NCAPD2: variants seen among roughly 807,000 people sequenced by gnomAD.
The protein encoded by NCAPD2 is condensin complex subunit 1.
In NCAPD2, 100 loss-of-function variants were observed where a neutral mutation model predicts 164.5. The ratio of observed to expected loss-of-function variants is 0.61; its 90% CI spans 0.52 to 0.72. NCAPD2 has a LOEUF of 0.72. NCAPD2 is among the 30% of genes least tolerant of loss of function. NCAPD2 has a pLI of 0.00. For missense variants in NCAPD2, 1,560 were observed against 1,749.2 expected (o/e 0.89, Z 1.93); for synonymous variants, 585 against 642.6 (o/e 0.91, Z 1.36).
rs185619772 is a variant in NCAPD2 at position 6,497,019 on chromosome 12, G to A, written c.127+1794G>A. 1.7e-3 allele frequency among the ~76,000 whole-genome samples: 264 copies of A among 152,282 alleles called. 7 individuals carry two copies. In the South Asian group the frequency reaches 0.039, roughly 23 times the overall value. On this transcript the variant is annotated intron_variant, in intron 2 of 31. Transcript: ENST00000315579. ...GTTTACCAAAATGTTACAGGGCACA[G>A]GACTGTACAGGTAAGAGAAATAGAA...
chr12:6,518,948 C>G (rs372256797), intron 13 of NCAPD2, among the ~76,000 whole-genome samples: 1 of 151,512 alleles, frequency 6.6e-6, no homozygotes, highest in Non-Finnish European at 1.5e-5. Context: ...TGCAGTGGTG[C>G]GATCTTGGCT....
In NCAPD2 at chr12:6,521,953, C is replaced by T; in HGVS notation, c.1870C>T (p.Leu624=). Residue 624 remains leucine (L), a synonymous_variant, in exon 15 of 32, where the codon CTG becomes TTG. Coordinates refer to ENST00000315579, the MANE Select transcript of NCAPD2 (RefSeq NM_014865.4). ...LVKQEMLVQY[L]QDAYSFSRKI... is the part of the protein sequence containing the mutation. Reference sequence around the variant, plus strand: ...GAAGCAGGAGATGCTGGTACAGTATCTGCAGGATGCCTACAGCTTCTCCCG... The same window carrying T: ...GAAGCAGGAGATGCTGGTACAGTATTTGCAGGATGCCTACAGCTTCTCCCG... 1 of 1,614,162 alleles carries T rather than the reference C, an allele frequency of 6.2e-7. No homozygotes were observed. The highest frequency in any genetic ancestry group is 8.5e-7 in the Non-Finnish European group (1 of 1,180,028).
chr12:6,511,010 A>G (rs1454701545), intron 5 of NCAPD2, 100 bp from the exon 6 acceptor site: 6 of 1,378,564 alleles, frequency 4.4e-6, no homozygotes, highest in African/African-American at 4.3e-5. Flanking sequence ...ATTACCTTCT[A>G]TGTTGTCTTG....
At chr12:6,529,196 C>T (rs1592178755) in intron 27 of NCAPD2, 157 bp downstream of exon 27, 5 of 660,038 alleles carry the variant, frequency 7.6e-6, no homozygotes, top group Non-Finnish European at 1.0e-5. Flanking sequence ...TCTTTTGAGG[C>T]TGATGATACT....
In NCAPD2 at chr12:6,530,810, A is replaced by G. The variant is rs1300438643; in HGVS notation, c.3957A>G (p.Pro1319=). The change falls in exon 30 of 32, where the codon CCA becomes CCG. Residue 1319 remains proline (P), a synonymous_variant. Coordinates refer to ENST00000315579, the MANE Select transcript of NCAPD2 (RefSeq NM_014865.4). ...AGAGAGCGCCATCAGCCAAGAAACC[A>G]TCCACTGGTACGTAAGGCAGCCTGT... The part of the protein sequence containing the change: ...GSQRAPSAKK[P]STGSRYQPLA... 6.2e-7 allele frequency: 1 copy of G among 1,614,194 alleles called. No individual in the cohort carries two copies. The highest frequency in any genetic ancestry group is 8.5e-7 in the Non-Finnish European group (1 of 1,180,034).
At chr12:6,525,966 C>A in intron 18 of NCAPD2, 102 bp from the exon 19 acceptor site, 1 of 1,475,832 alleles carries the variant, frequency 6.8e-7, no homozygotes, top group East Asian at 2.3e-5. Flanking sequence ...CTCCACGGCT[C>A]TAGACACCAC....
rs1339713732 is a variant in NCAPD2 at position 6,522,021 on chromosome 12, T to TG, written c.1939dup (p.Glu647GlyfsTer12). 1 of 1,614,120 alleles carries TG rather than the reference T, an allele frequency of 6.2e-7. No homozygotes were observed. On this transcript the variant is annotated frameshift_variant, in exon 15 of 32. Transcript: ENST00000315579. LOFTEE classifies it high-confidence loss of function. ...TTGGCATCATCAGCAAGATGATGTA[T>TG]GAAAACACAACTACAGGTATGCCAG... is the stretch of plus-strand genomic sequence containing the variant.
chr12:6,506,664 G>C (rs1226310202), intron 2 of NCAPD2, among the ~76,000 whole-genome samples: 1 of 151,350 alleles, frequency 6.6e-6, no homozygotes, highest in Non-Finnish European at 1.5e-5. Flanking sequence ...TAAATTTTAT[G>C]CGTTCATGAC....
intron 28 of NCAPD2, 61 bp downstream of exon 28, chr12:6,529,654 C>T: frequency 2.5e-6 from 4 of 1,602,244 alleles, no homozygotes; most frequent in Non-Finnish European, 3.4e-6. Flanking sequence ...GAGAAAGGCC[C>T]ATCCCTCACC....
At position 6,495,150 on chromosome 12, in the gene NCAPD2, T is replaced by C. The variant is rs770194327; in HGVS notation, c.52T>C (p.Leu18=). 5.6e-6 allele frequency: 9 copies of C among 1,614,138 alleles called. No homozygotes were observed. The highest frequency in any genetic ancestry group is 7.6e-6 in the Non-Finnish European group (9 of 1,180,016). Residue 18 remains leucine, a synonymous_variant, in exon 2 of 32, where the codon TTG becomes CTG. Transcript: ENST00000315579. The part of the protein sequence containing the change: ...FHLPLSPEEL[L]KSGGVNQYVV... ...TCTGCCATTATCCCCAGAGGAGTTGTTGAAAAGTGGAGGGGTGAATCAGTA... is the reference window on the plus strand; with the variant it reads ...TCTGCCATTATCCCCAGAGGAGTTGCTGAAAAGTGGAGGGGTGAATCAGTA...
rs201845677 is a variant in NCAPD2, at chr12:6,526,039, C to T, written c.2349-29C>T. Reference sequence around the variant, plus strand: ...CCCCGATGAGTCCAATCCATGACTGCCTTTAACTCTGTGGCTTCCTTCCCC... The same window carrying T: ...CCCCGATGAGTCCAATCCATGACTGTCTTTAACTCTGTGGCTTCCTTCCCC... On this transcript the variant is annotated intron_variant, in intron 18 of 31. Coordinates refer to ENST00000315579, the MANE Select transcript of NCAPD2 (RefSeq NM_014865.4). 3,537 of 1,611,164 alleles carry T rather than the reference C, an allele frequency of 2.2e-3. 102 individuals carry two copies. The South Asian group carries it at 0.036, about 16-fold the overall frequency.
intron 2 of NCAPD2, among the ~76,000 whole-genome samples, chr12:6,501,342 G>GAC (rs1193133499): frequency 7.0e-6 from 1 of 143,856 alleles, no homozygotes; most frequent in African/African-American, 2.6e-5. Context: ...CCAGGGTCAC[G>GAC]ACACCTGGCT....
intron 3 of NCAPD2, 111 bp downstream of exon 3, chr12:6,509,903 G>T: frequency 7.8e-7 from 1 of 1,274,792 alleles, no homozygotes; most frequent in Non-Finnish European, 1.1e-6. Flanking sequence ...AATGCCTCTG[G>T]ATATTGATAT....
In NCAPD2 at chr12:6,531,422, T is replaced by C. The variant is rs930507725; in HGVS notation, c.*10T>C. The C allele has an allele frequency of 2.5e-6, 4 of 1,613,004 alleles. No individual in the cohort carries two copies. The highest frequency in any genetic ancestry group is 2.5e-6 in the Non-Finnish European group (3 of 1,179,582). On this transcript the variant is annotated 3_prime_UTR_variant, in exon 32 of 32. Transcript: ENST00000315579. The surrounding 1 kb of genome is among the most constrained non-coding windows in gnomAD (Gnocchi z 4.1). ...CAGGCACAGATCCTAGGAAGTCTGT[T>C]CCTGTCCTCCCTGTGCAGGGTATCC...
At chr12:6,522,164 G>T in intron 15 of NCAPD2, 127 bp downstream of exon 15, 1 of 1,060,778 alleles carries the variant, frequency 9.4e-7, no homozygotes, top group African/African-American at 1.6e-5. Flanking sequence ...CAACTCCTGG[G>T]CTCAGGCAAT....
intron 13 of NCAPD2, among the ~76,000 whole-genome samples, chr12:6,518,520 T>TTTTTGTTTTTTTTTG (rs1565544194): frequency 5.3e-5 from 6 of 114,014 alleles, no homozygotes; most frequent in African/African-American, 1.9e-4. Flanking sequence ...TTTTTTTTTT[T>TTTTTGTTTTTTTTTG]TTTTTTTTTT....
Position 6,528,710 on chromosome 12 carries a change from A to C in NCAPD2, c.3331A>C (p.Thr1111Pro). The C allele has an allele frequency of 5.0e-6, 8 of 1,613,532 alleles. No homozygotes were observed. The highest frequency in any genetic ancestry group is 6.8e-6 in the Non-Finnish European group (8 of 1,179,580). The change falls in exon 26 of 32, where the codon ACA becomes CCA. Residue 1111 changes from threonine (T) to proline (P), a missense_variant. Thr to Pro is a conservative substitution (Grantham distance 38). Transcript: ENST00000315579. The surrounding 1 kb of genome is among the most constrained non-coding windows in gnomAD (Gnocchi z 5.1). Reference protein sequence around the residue: ...LRDPAQQVRKTAGLVMTHLIL... With the variant: ...LRDPAQQVRKPAGLVMTHLIL... ...GGACCCTGCTCAGCAAGTGCGGAAA[A>C]CAGCGGGGCTGGTGATGACCCACCT... is the stretch of plus-strand genomic sequence containing the variant.
chr12:6,517,026 G>A lies in NCAPD2; in HGVS notation c.1185+1G>A, dbSNP rs1946208316. On this transcript the variant is annotated splice_donor_variant, in intron 10 of 31. Transcript: ENST00000315579. LOFTEE classifies it high-confidence loss of function. ...CTTCACCCGAATTGTCCAGCAGAAG[G>A]TAACCAACTTCTATGTGGCAAAAAC... The A allele has an allele frequency of 6.2e-7, 1 of 1,614,080 alleles. No individual in the cohort carries two copies. Among genetic ancestry groups the A allele is most frequent in the Non-Finnish European group, 8.5e-7 (1 of 1,179,974 alleles).
chr12:6,518,514 T>TTTTTTTTG (rs1946230506), intron 13 of NCAPD2, among the ~76,000 whole-genome samples: 2 of 107,104 alleles, frequency 1.9e-5, no homozygotes, highest in African/African-American at 7.9e-5. Flanking sequence ...GTTTTTTTTT[T>TTTTTTTTG]TTTTTTTTTT....
Sources: gnomAD v4.1 joint callset for allele counts (sites outside exome capture counted in the v4.1 genomes callset) on GRCh38, gnomAD v4.1.1 for gene constraint, Gnocchi (gnomAD v3.1) non-coding constraint, MANE v1.5 for transcripts, NCBI Gene and HGNC (gene_info 2026-07-23, HGNC 2026-07-21) for gene names.